Variants in DTNA observed in about 807,000 individuals in gnomAD.
The protein encoded by DTNA is dystrophin-related protein 3.
In DTNA, 43 loss-of-function variants were observed where a neutral mutation model predicts 100.7. The observed-to-expected ratio is 0.43, with a 90% CI of 0.33 to 0.55. The LOEUF is 0.55. Among genes scored for constraint, DTNA ranks in the 20% least tolerant of loss-of-function variants. The pLI, the probability that DTNA is intolerant of heterozygous loss-of-function variation, is 0.04. For synonymous variants in DTNA, 349 were observed against 347.9 expected (o/e 1.00, Z -0.04); for missense variants, 798 against 953.9 (o/e 0.84, Z 2.15).
intron 1 of DTNA, among the ~76,000 whole-genome samples, chr18:34,608,990 G>T (rs1247197154): frequency 2.0e-5 from 3 of 152,126 alleles, no homozygotes; most frequent in Non-Finnish European, 2.9e-5. Context: ...TAATTTTGTG[G>T]TCTTGATTAC....
At chr18:34,649,938 GATA>G (rs2060257804) in intron 1 of DTNA, among the ~76,000 whole-genome samples, 1 of 151,980 alleles carries the variant, frequency 6.6e-6, no homozygotes, top group Non-Finnish European at 1.5e-5. Context: ...GTGGTTGTAG[GATA>G]ATAATATAAA....
chr18:34,841,625 A>G (rs1465275215), intron 13 of DTNA, among the ~76,000 whole-genome samples: 3 of 152,176 alleles, frequency 2.0e-5, no homozygotes, highest in African/African-American at 7.2e-5. Context: ...TAGTCCTAGA[A>G]GGTTGGATAT....
chr18:34,859,985 A>G (rs1341641772), intron 16 of DTNA, among the ~76,000 whole-genome samples: 3 of 152,146 alleles, frequency 2.0e-5, no homozygotes, highest in African/African-American at 7.2e-5. Flanking sequence ...TAAATATCAT[A>G]CTGTTCTTTC....
intron 17 of DTNA, among the ~76,000 whole-genome samples, chr18:34,869,668 T>C (rs762250681): frequency 6.6e-6 from 1 of 152,298 alleles, no homozygotes; most frequent in Non-Finnish European, 1.5e-5. Flanking sequence ...TTAAGTTTTA[T>C]CTATAATAAA....
At chr18:34,563,245 G>C (rs1172348539) in intron 1 of DTNA, among the ~76,000 whole-genome samples, 2 of 152,198 alleles carry the variant, frequency 1.3e-5, no homozygotes, top group African/African-American at 4.8e-5. Context: ...ATGGAAGAAG[G>C]TTGTGTGAAG....
chr18:34,538,774 C>T (rs137968892), intron 1 of DTNA, among the ~76,000 whole-genome samples: 2,570 of 151,986 alleles, frequency 0.017, 30 homozygotes, highest in Non-Finnish European at 0.027. Flanking sequence ...GGTCTAAAGA[C>T]CTAAACATAA....
chr18:34,570,665 T>C (rs2047500245), intron 1 of DTNA, among the ~76,000 whole-genome samples: 1 of 152,200 alleles, frequency 6.6e-6, no homozygotes, highest in African/African-American at 2.4e-5. Context: ...GAAATTATAC[T>C]AGCAACAAGG....
chr18:34,824,548 T>A (rs1054973976), intron 9 of DTNA, among the ~76,000 whole-genome samples: 1 of 152,070 alleles, frequency 6.6e-6, no homozygotes, highest in Admixed American at 6.5e-5. Context: ...GTTCTGCACA[T>A]GTACCCCAGA....
intron 1 of DTNA, among the ~76,000 whole-genome samples, chr18:34,720,461 G>A (rs1312229442): frequency 6.6e-6 from 1 of 152,164 alleles, no homozygotes; most frequent in African/African-American, 2.4e-5. Context: ...CACAGGTAAG[G>A]CAGAGGAGCT....
intron 1 of DTNA, among the ~76,000 whole-genome samples, chr18:34,727,880 A>G (rs1328341843): frequency 1.3e-5 from 2 of 152,138 alleles, no homozygotes; most frequent in African/African-American, 4.8e-5. Context: ...AATGTCTTAT[A>G]AAAGTGTTTT....
In DTNA at chr18:34,794,089, G is replaced by C; in HGVS notation, c.201G>C (p.Leu67=). 6.2e-7 allele frequency: 1 copy of C among 1,614,082 alleles called. No homozygotes were observed. Residue 67 remains leucine, a synonymous_variant, in exon 4 of 23, where the codon CTG becomes CTC. Coordinates refer to ENST00000444659, the MANE Select transcript of DTNA (RefSeq NM_001386795.1). ...TAGAAGCATTGCGGGAAAATGCTCT[G>C]AACAACCTGGACCCAAACACTGAAC... is the stretch of plus-strand genomic sequence containing the variant. ...NVIEALRENA[L]NNLDPNTELN...
At chr18:34,823,591 G>A (rs1007526875) in intron 9 of DTNA, among the ~76,000 whole-genome samples, 7 of 152,168 alleles carry the variant, frequency 4.6e-5, no homozygotes, top group African/African-American at 1.7e-4. Context: ...TGAGTCTCTA[G>A]CAAAAATCAT....
In DTNA at chr18:34,882,113, A is replaced by G. The variant is rs113556738; in HGVS notation, c.2207A>G (p.Asn736Ser). 4 of 1,614,090 alleles carry G rather than the reference A, an allele frequency of 2.5e-6. No homozygotes were observed. The highest frequency in any genetic ancestry group is 2.7e-5 in the African/African-American group (2 of 75,034). The change falls in exon 21 of 23, where the codon AAC becomes AGC. Residue 736 changes from asparagine to serine, a missense_variant. This residue lies in a region of DTNA where 242 missense variants were observed against 238.2 expected (regional missense o/e 1.02). Coordinates refer to ENST00000444659, the MANE Select transcript of DTNA (RefSeq NM_001386795.1). The stretch of plus-strand genomic sequence containing the variant: ...CCCTATGTGCAGCCTGAAGATGAAA[A>G]CTATGAAAATGACTCTGTCCGGCAG... ...ADPYVQPEDE[N>S]YENDSVRQLE...
intron 1 of DTNA, among the ~76,000 whole-genome samples, chr18:34,719,937 A>G (rs1413334070): frequency 1.3e-5 from 2 of 152,208 alleles, no homozygotes; most frequent in Non-Finnish European, 2.9e-5. Flanking sequence ...ACAGAGAATG[A>G]CTGCTGCTAA....
chr18:34,826,739 A>G (rs1423912160), intron 9 of DTNA, among the ~76,000 whole-genome samples: 2 of 152,240 alleles, frequency 1.3e-5, no homozygotes, highest in Non-Finnish European at 2.9e-5. Flanking sequence ...CCCATCTCAT[A>G]TTACCATTCA....
chr18:34,653,997 A>G (rs1358028568), intron 1 of DTNA, among the ~76,000 whole-genome samples: 1 of 152,136 alleles, frequency 6.6e-6, no homozygotes, highest in African/African-American at 2.4e-5. Context: ...CTTGTCAGCC[A>G]TTTCAGATAA....
chr18:34,763,263 T>C (rs1013921067), intron 2 of DTNA, among the ~76,000 whole-genome samples: 3 of 152,194 alleles, frequency 2.0e-5, no homozygotes, highest in Non-Finnish European at 2.9e-5. Flanking sequence ...ATTCAGGTAT[T>C]TCTAAAAGTC....
intron 1 of DTNA, among the ~76,000 whole-genome samples, chr18:34,610,120 T>G (rs1428256831): frequency 6.6e-6 from 1 of 152,216 alleles, no homozygotes; most frequent in African/African-American, 2.4e-5. Context: ...CAGAGGAATC[T>G]AGACAGAATA....
rs117786051 is a variant in DTNA at position 34,747,086 on chromosome 18, C to T, written c.-1-8890C>T. Among the ~76,000 whole-genome samples, 599 of 124,330 alleles carry T rather than the reference C, an allele frequency of 4.8e-3. 2 individuals are homozygous for T. The highest frequency in any genetic ancestry group is 8.0e-3 in the Middle Eastern group (2 of 250). The allele number at this position is 124,330 out of a possible 152,430, so 81.6% of individuals were successfully genotyped here. On this transcript the variant is annotated intron_variant, in intron 1 of 22. Transcript: ENST00000444659. ...AGTTTGCCTCATTAGATACCCATAT[C>T]TATATCTATATCTGTATCTATATAT... is the stretch of plus-strand genomic sequence containing the variant.
Sources: gnomAD v4.1 joint callset for allele counts (sites outside exome capture counted in the v4.1 genomes callset) on GRCh38, gnomAD v4.1.1 for gene constraint, gnomAD v4.1.1 regional missense constraint, MANE v1.5 for transcripts, NCBI Gene and HGNC (gene_info 2026-07-23, HGNC 2026-07-21) for gene names.